ZNF654: variants seen among roughly 807,000 people sequenced by gnomAD.
ZNF654 encodes melanoma-associated antigen.
In ZNF654, 19 loss-of-function variants were observed where a neutral mutation model predicts 95.3. That is an observed-to-expected ratio of 0.20 (90% CI 0.14 to 0.29). The LOEUF (loss-of-function observed/expected upper bound fraction) is 0.29, where lower values mean the gene tolerates loss of function less well. Among genes scored for constraint, ZNF654 ranks in the 10% least tolerant of loss-of-function variants. The probability of loss-of-function intolerance (pLI) is 1.00; values close to 1 mark genes in which losing one functional copy is unlikely to be tolerated. For missense variants in ZNF654, 1,046 were observed against 1,341.0 expected (o/e 0.78, Z 3.44); for synonymous variants, 413 against 457.9 (o/e 0.90, Z 1.25).
In ZNF654 at chr3:88,129,592, TC is replaced by T. The variant is rs1052149797; in HGVS notation, c.754-94del. On this transcript the variant is annotated intron_variant, in intron 5 of 8. Coordinates refer to ENST00000636215, the MANE Select transcript of ZNF654 (RefSeq NM_001350134.2). ...TGTCTTTGTAGAAGAAAACTAGAAA[TC>T]TAAGCAATTTCTCTTGAATGTTTAA... 2.9e-6 allele frequency: 3 copies of T among 1,019,058 alleles called. No homozygotes were observed. The African/African-American group carries it at 4.8e-5, about 16-fold the overall frequency. 63.1% of individuals were successfully genotyped at this position (1,019,058 alleles called of 1,614,324 possible).
chr3:88,097,811 T>C (rs1016629388), intron 2 of ZNF654, among the ~76,000 whole-genome samples: 2 of 152,076 alleles, frequency 1.3e-5, no homozygotes, highest in Non-Finnish European at 2.9e-5. Context: ...CATAACAGAA[T>C]ATCTGCGACA....
intron 7 of ZNF654, 73 bp downstream of exon 7, chr3:88,135,275 A>G: frequency 1.6e-6 from 2 of 1,218,904 alleles, no homozygotes; most frequent in South Asian, 2.1e-5. Context: ...CTCTTTTGAT[A>G]AAATTTATTT....
intron 2 of ZNF654, among the ~76,000 whole-genome samples, chr3:88,112,071 T>G (rs1705124544): frequency 6.6e-6 from 1 of 151,960 alleles, no homozygotes. Context: ...ATCAGTTTGC[T>G]TTTGATTGGT....
At chr3:88,128,494 T>C (rs1346547808) in intron 4 of ZNF654, among the ~76,000 whole-genome samples, 1 of 152,098 alleles carries the variant, frequency 6.6e-6, no homozygotes, top group Non-Finnish European at 1.5e-5. Flanking sequence ...AGACCCATGT[T>C]ACTTGGAACA....
At chr3:88,114,536 ACT>A (rs1470341602) in intron 3 of ZNF654, among the ~76,000 whole-genome samples, 1 of 151,818 alleles carries the variant, frequency 6.6e-6, no homozygotes, top group Non-Finnish European at 1.5e-5. Context: ...ATCCTTTGAC[ACT>A]CTCTAATCCT....
chr3:88,135,122 G>A lies in ZNF654; in HGVS notation c.955G>A (p.Val319Ile). Reference protein sequence around the residue: ...LKSNPSKQVFVDQCYQLLRTA... With the variant: ...LKSNPSKQVFIDQCYQLLRTA... ...ATCTAATCCTTCAAAACAAGTTTTT[G>A]TAGATCAATGCTACCAGCTTTTAAG... The change falls in exon 7 of 9, where the codon GTA becomes ATA. Residue 319 changes from valine (V) to isoleucine (I), a missense_variant. Physicochemically the swap from Val to Ile is conservative, Grantham distance 29. This residue lies in a region of ZNF654 where 121 missense variants were observed against 141.7 expected (regional missense o/e 0.85). Coordinates refer to ENST00000636215, the MANE Select transcript of ZNF654 (RefSeq NM_001350134.2). 2 of 1,482,188 alleles carry A rather than the reference G, an allele frequency of 1.3e-6. No individual in the cohort carries two copies. The highest frequency in any genetic ancestry group is 1.4e-5 in the South Asian group (1 of 73,470). 91.8% of individuals were successfully genotyped at this position (1,482,188 alleles called of 1,614,324 possible).
chr3:88,087,191 G>A (rs189132277), intron 2 of ZNF654, among the ~76,000 whole-genome samples: 2 of 152,234 alleles, frequency 1.3e-5, no homozygotes, highest in Admixed American at 1.3e-4. Context: ...TGATTCTCAT[G>A]CCTCAGCCCC....
Position 88,100,725 on chromosome 3 carries a change from C to G in ZNF654, c.333-12390C>G, listed in dbSNP as rs373237639. ...ATCACAAGGAAAGAAAACCAAACACCGCCATGTTCTCACTCATAGGTGGGA... is the reference window on the plus strand; with the variant it reads ...ATCACAAGGAAAGAAAACCAAACACGGCCATGTTCTCACTCATAGGTGGGA... On this transcript the variant is annotated intron_variant, in intron 2 of 8. Coordinates refer to ENST00000636215, the MANE Select transcript of ZNF654 (RefSeq NM_001350134.2). Among the ~76,000 whole-genome samples the G allele has an allele frequency of 4.1e-4, 62 of 152,082 alleles. No homozygotes were observed. In the East Asian group the frequency reaches 7.5e-3, roughly 18 times the overall value.
intron 1 of ZNF654, among the ~76,000 whole-genome samples, chr3:88,063,434 G>A (rs1367615): frequency 0.94 from 142,540 of 152,202 alleles, 67,338 homozygotes; most frequent in Non-Finnish European, 1. Flanking sequence ...TTTGTCCCAT[G>A]GTATTATAAA....
intron 2 of ZNF654, among the ~76,000 whole-genome samples, chr3:88,110,115 T>TA (rs2107754936): frequency 6.6e-6 from 1 of 152,218 alleles, no homozygotes; most frequent in African/African-American, 2.4e-5. Flanking sequence ...AATCAGCAAA[T>TA]ACCTATGCAC....
chr3:88,065,487 A>T (rs1707144703), intron 1 of ZNF654, among the ~76,000 whole-genome samples: 1 of 152,158 alleles, frequency 6.6e-6, no homozygotes, highest in African/African-American at 2.4e-5. Flanking sequence ...CATACGAGAA[A>T]CTGTTTATAG....
intron 3 of ZNF654, among the ~76,000 whole-genome samples, chr3:88,114,060 T>A (rs1290074349): frequency 2.6e-5 from 4 of 152,136 alleles, no homozygotes; most frequent in African/African-American, 9.7e-5. Flanking sequence ...GTTTATTGAG[T>A]CCCCACAGTG....
chr3:88,069,905 A>G (rs965787916), intron 1 of ZNF654, among the ~76,000 whole-genome samples: 6 of 152,240 alleles, frequency 3.9e-5, no homozygotes, highest in Non-Finnish European at 5.9e-5. Flanking sequence ...CAGTCTCTCC[A>G]TATTTAGATT....
At chr3:88,087,027 C>T (rs1273167961) in intron 2 of ZNF654, among the ~76,000 whole-genome samples, 1 of 152,104 alleles carries the variant, frequency 6.6e-6, no homozygotes, top group Non-Finnish European at 1.5e-5. Context: ...CGTGATCTGC[C>T]TACCTTGGCC....
intron 6 of ZNF654, among the ~76,000 whole-genome samples, chr3:88,131,742 CT>C (rs1244450803): frequency 7.2e-5 from 11 of 152,080 alleles, no homozygotes; most frequent in Middle Eastern, 3.4e-3. Context: ...TTATGATGGC[CT>C]ACCCTCTTAT....
rs1322478956 is a variant in ZNF654, at chr3:88,140,867, C to A, written c.3198C>A (p.Arg1066=). 6.2e-7 allele frequency: 1 copy of A among 1,613,614 alleles called. No individual in the cohort carries two copies. Among genetic ancestry groups the A allele is most frequent in the Admixed American group, 1.7e-5 (1 of 59,974 alleles). Residue 1066 remains arginine (R), a synonymous_variant, in exon 8 of 9, where the codon CGC becomes CGA. Coordinates refer to ENST00000636215, the MANE Select transcript of ZNF654 (RefSeq NM_001350134.2). ...AACGGTATCTTAGTATGCCAAAACG[C>A]AGAAAATTTCTGACTGATAGAGTAG... is the stretch of plus-strand genomic sequence containing the variant. ...LDERYLSMPK[R]RKFLTDRVDA... is the part of the protein sequence containing the mutation.
chr3:88,066,810 G>A (rs1159394795), intron 1 of ZNF654, among the ~76,000 whole-genome samples: 6 of 152,042 alleles, frequency 3.9e-5, no homozygotes, highest in African/African-American at 4.8e-5. Flanking sequence ...ACAAAAACAA[G>A]AACTTTACGA....
chr3:88,089,034 A>G lies in ZNF654; in HGVS notation c.332+2632A>G, dbSNP rs542463496. The stretch of plus-strand genomic sequence containing the variant: ...ATGATCTACCCACCTCAGGCTCCCA[A>G]AGTGCTGGGATTACAGGCATGAGCT... On this transcript the variant is annotated intron_variant, in intron 2 of 8. Coordinates refer to ENST00000636215, the MANE Select transcript of ZNF654 (RefSeq NM_001350134.2). 3.3e-5 allele frequency among the ~76,000 whole-genome samples: 5 copies of G among 151,952 alleles called. No individual in the cohort carries two copies. The South Asian group carries it at 1.0e-3, about 32-fold the overall frequency.
Position 88,090,845 on chromosome 3 carries a change from C to T in ZNF654, c.332+4443C>T, listed in dbSNP as rs543033439. Among the ~76,000 whole-genome samples the T allele has an allele frequency of 6.6e-5, 10 of 152,110 alleles. No individual in the cohort carries two copies. In the East Asian group the frequency reaches 7.7e-4, roughly 12 times the overall value. On this transcript the variant is annotated intron_variant, in intron 2 of 8. Transcript: ENST00000636215. Reference sequence around the variant, plus strand: ...CATACATAAAATACAGTAACACTGACGACATCTGATAAGCTAAGAAAAAAA... The same window carrying T: ...CATACATAAAATACAGTAACACTGATGACATCTGATAAGCTAAGAAAAAAA...
Sources: gnomAD v4.1 joint callset for allele counts (sites outside exome capture counted in the v4.1 genomes callset) on GRCh38, gnomAD v4.1.1 for gene constraint, gnomAD v4.1.1 regional missense constraint, MANE v1.5 for transcripts, NCBI Gene and HGNC (gene_info 2026-07-23, HGNC 2026-07-21) for gene names.